SEMA3D: variants seen among roughly 807,000 people sequenced by gnomAD.
SEMA3D encodes the protein semaphorin 3D.
SEMA3D carries 84 observed loss-of-function variants against 100.1 expected under a neutral mutation model. That is an observed-to-expected ratio of 0.84 (90% CI 0.70 to 1.01). The LOEUF (loss-of-function observed/expected upper bound fraction) is 1.01. SEMA3D is among the 50% of genes least tolerant of loss of function. The pLI is 0.00. For missense variants in SEMA3D, 875 were observed against 934.1 expected (o/e 0.94, Z 0.82); for synonymous variants, 312 against 320.7 (o/e 0.97, Z 0.29).
chr7:85,007,427 T>A, intron 17 of SEMA3D, among the ~76,000 whole-genome samples: 1 of 151,818 alleles, frequency 6.6e-6, no homozygotes, highest in East Asian at 1.9e-4. Context: ...GTTATAGTGA[T>A]CTGCACCTGA....
At chr7:85,112,118 A>C (rs561766876) in intron 3 of SEMA3D, among the ~76,000 whole-genome samples, 25 of 152,156 alleles carry the variant, frequency 1.6e-4, no homozygotes, top group Non-Finnish European at 3.2e-4. Context: ...GATAAAATAC[A>C]TATTATTAGA....
At chr7:85,110,599 G>A (rs974409669) in intron 3 of SEMA3D, among the ~76,000 whole-genome samples, 1 of 151,808 alleles carries the variant, frequency 6.6e-6, no homozygotes, top group Non-Finnish European at 1.5e-5. Context: ...TGCAAAATAA[G>A]CCACTTTTAT....
intron 4 of SEMA3D, among the ~76,000 whole-genome samples, chr7:85,095,651 T>C (rs1322580904): frequency 2.0e-5 from 3 of 152,056 alleles, no homozygotes; most frequent in African/African-American, 4.8e-5. Flanking sequence ...TCTTTAGCAA[T>C]AGAGTGATTT....
intron 1 of SEMA3D, among the ~76,000 whole-genome samples, chr7:85,179,950 C>T (rs184226279): frequency 9.2e-5 from 14 of 152,306 alleles, no homozygotes; most frequent in South Asian, 2.1e-4. Context: ...CATGAGCCAT[C>T]GCACCCAGCC....
At chr7:85,225,460 G>A in the SEMA3D span, among the ~76,000 whole-genome samples, 1 of 151,730 alleles carries the variant, frequency 6.6e-6, no homozygotes, top group African/African-American at 2.4e-5. Flanking sequence ...TAATGAGGAG[G>A]TCTTCCAGGT....
chr7:85,183,547 C>T (rs139552388), intron 1 of SEMA3D, among the ~76,000 whole-genome samples: 38 of 152,238 alleles, frequency 2.5e-4, no homozygotes, highest in East Asian at 1.9e-3. Context: ...CCCATTCCCA[C>T]GCTTACTAGT....
At chr7:85,094,365 T>C (rs1432474390) in intron 4 of SEMA3D, among the ~76,000 whole-genome samples, 1 of 152,030 alleles carries the variant, frequency 6.6e-6, no homozygotes, top group African/African-American at 2.4e-5. Flanking sequence ...GTGAACAGAT[T>C]AGATAGGAGA....
the SEMA3D span, among the ~76,000 whole-genome samples, chr7:85,215,336 T>A: frequency 6.6e-6 from 1 of 152,140 alleles, no homozygotes; most frequent in Non-Finnish European, 1.5e-5. Flanking sequence ...TGTTCTCATA[T>A]TAGAAATAAT....
rs558187974 is a variant in SEMA3D, at chr7:85,018,415, G to T, written c.1504-122C>A. On this transcript the variant is annotated intron_variant, in intron 14 of 18. Coordinates refer to ENST00000284136, the MANE Select transcript of SEMA3D (RefSeq NM_001384900.1). ...AAACATCAAGTCTCTGTTACATAAG[G>T]AAATAAAGTTCTTATTGTTTGCTAT... is the stretch of plus-strand genomic sequence containing the variant. 11 of 649,312 alleles carry T rather than the reference G, an allele frequency of 1.7e-5. No individual in the cohort carries two copies. The Admixed American group carries it at 3.1e-4, about 18-fold the overall frequency. 40.2% of individuals were successfully genotyped at this position (649,312 alleles called of 1,614,324 possible). A position where few individuals can be genotyped will look rare whatever the true frequency, so the allele number is the denominator to read the frequency against.
At chr7:85,141,780 T>C in intron 2 of SEMA3D, 1 of 798,158 alleles carries the variant, frequency 1.3e-6, no homozygotes, top group Non-Finnish European at 1.5e-6. Context: ...CCAAGTCTCA[T>C]AAATCTGGGA....
At chr7:85,212,381 G>C in the SEMA3D span, among the ~76,000 whole-genome samples, 2 of 152,060 alleles carry the variant, frequency 1.3e-5, no homozygotes, top group Non-Finnish European at 2.9e-5. Flanking sequence ...AACTTGTCTT[G>C]AACCCCATCA....
At chr7:85,201,159 C>G in the SEMA3D span, among the ~76,000 whole-genome samples, 1 of 152,104 alleles carries the variant, frequency 6.6e-6, no homozygotes, top group South Asian at 2.1e-4. Context: ...ATTAATGGGT[C>G]TTCTGATTTT....
At position 85,126,406 on chromosome 7, in the gene SEMA3D, T is replaced by TGTC. The variant is rs1562828125; in HGVS notation, c.-40-4476_-40-4475insGAC. The stretch of plus-strand genomic sequence containing the variant: ...TGTGTGTGTGTGTGTGTGTGTGTCG[T>TGTC]GTGTGTGTGTGTGTGTGTGTGTGTG... On this transcript the variant is annotated intron_variant, in intron 2 of 18. Coordinates refer to ENST00000284136, the MANE Select transcript of SEMA3D (RefSeq NM_001384900.1). 1.9e-3 allele frequency among the ~76,000 whole-genome samples: 233 copies of TGTC among 124,492 alleles called. 1 individual carries two copies. The highest frequency in any genetic ancestry group is 6.0e-3 in the African/African-American group (202 of 33,408). 81.7% of individuals were successfully genotyped at this position (124,492 alleles called of 152,430 possible).
chr7:85,098,625 G>C (rs548638689), intron 3 of SEMA3D, among the ~76,000 whole-genome samples: 97 of 151,900 alleles, frequency 6.4e-4, no homozygotes, highest in Middle Eastern at 6.8e-3. Flanking sequence ...CCCATCATCA[G>C]CATCCCCCAC....
chr7:85,176,119 T>C (rs1791218387), intron 1 of SEMA3D, among the ~76,000 whole-genome samples: 1 of 152,106 alleles, frequency 6.6e-6, no homozygotes, highest in South Asian at 2.1e-4. Context: ...GAGTTGCACA[T>C]ACCTAGTGTG....
At chr7:85,022,315 T>G (rs1320750781) in intron 13 of SEMA3D, 76 bp downstream of exon 13, 1 of 942,760 alleles carries the variant, frequency 1.1e-6, no homozygotes, top group Non-Finnish European at 1.7e-6. Context: ...CCAATAAATA[T>G]TTTTGAAGTT....
At chr7:85,167,455 A>G (rs1469651181) in intron 1 of SEMA3D, 5 of 832,720 alleles carry the variant, frequency 6.0e-6, no homozygotes, top group South Asian at 1.1e-4. Context: ...AGCTGATACT[A>G]ATGTTGGACG....
At chr7:85,224,043 T>C in the SEMA3D span, among the ~76,000 whole-genome samples, 2 of 152,242 alleles carry the variant, frequency 1.3e-5, no homozygotes, top group East Asian at 3.9e-4. Context: ...ATACTACAAA[T>C]ATATCAATTT....
intron 1 of SEMA3D, among the ~76,000 whole-genome samples, chr7:85,158,509 A>G (rs1790659237): frequency 6.6e-6 from 1 of 152,164 alleles, no homozygotes; most frequent in South Asian, 2.1e-4. Context: ...AGTTCCTGAT[A>G]AGATGTTATC....
Sources: allele counts gnomAD v4.1 joint callset (sites outside exome capture counted in the v4.1 genomes callset), GRCh38; gene constraint gnomAD v4.1.1; transcripts MANE v1.5; gene names NCBI Gene and HGNC (gene_info 2026-07-23, HGNC 2026-07-21).